The following KATNAL2 variants were observed in gnomAD, a reference collection of about 807,000 sequenced individuals.
The protein encoded by KATNAL2 is katanin p60 ATPase-containing subunit A-like 2.
KATNAL2 carries 52 observed loss-of-function variants against 76.3 expected under a neutral mutation model. The ratio of observed to expected loss-of-function variants is 0.68; its 90% CI spans 0.55 to 0.86. KATNAL2 has a LOEUF of 0.86. KATNAL2 is among the 40% of genes least tolerant of loss of function. The pLI is 0.00. For synonymous variants in KATNAL2, 243 were observed against 244.2 expected (o/e 1.00, Z 0.05); for missense variants, 660 against 668.9 (o/e 0.99, Z 0.15).
intron 3 of KATNAL2, among the ~76,000 whole-genome samples, chr18:47,031,466 C>T (rs372597282): frequency 1.3e-5 from 2 of 151,940 alleles, no homozygotes; most frequent in African/African-American, 2.4e-5. Context: ...GTTTCTTCTG[C>T]AGAAAGAAAA....
At chr18:47,088,337 GTC>G (rs1312567831) in intron 15 of KATNAL2, among the ~76,000 whole-genome samples, 19 of 152,156 alleles carry the variant, frequency 1.2e-4, no homozygotes, top group Admixed American at 1.2e-3. Context: ...ACCATTCAAT[GTC>G]TCTCCATGTT....
chr18:47,044,129 T>C (rs780427478), intron 3 of KATNAL2, among the ~76,000 whole-genome samples: 3 of 152,126 alleles, frequency 2.0e-5, no homozygotes, highest in Non-Finnish European at 4.4e-5. Flanking sequence ...ACTTTTGTGT[T>C]CCCTGGGCCA....
At chr18:46,933,772 T>G (rs2059005117) in intron 1 of KATNAL2, among the ~76,000 whole-genome samples, 1 of 38 alleles carries the variant, frequency 0.026, no homozygotes, top group Non-Finnish European at 0.071. Context: ...GTATATCCCC[T>G]AATGGCTATC....
At chr18:47,058,443 C>A in intron 7 of KATNAL2, 91 bp downstream of exon 7, 1 of 741,950 alleles carries the variant, frequency 1.3e-6, no homozygotes, top group African/African-American at 1.8e-5. Context: ...TTTTTGAGGA[C>A]CTACGCTTTT....
At chr18:47,063,225 G>T in intron 9 of KATNAL2, 59 bp from the exon 10 acceptor site, 4 of 1,564,432 alleles carry the variant, frequency 2.6e-6, no homozygotes, top group Admixed American at 1.7e-5. Flanking sequence ...CATGCCCGGG[G>T]TTTCTTCCTA....
At chr18:47,076,136 A>G (rs551801912) in intron 14 of KATNAL2, 5 of 152,348 alleles carry the variant, frequency 3.3e-5, no homozygotes, top group African/African-American at 9.6e-5. Flanking sequence ...ATGACCTTTA[A>G]TGGACTATCA....
rs542872541 is a variant in KATNAL2 at position 47,047,657 on chromosome 18, G to A, written c.122+1130G>A. Among the ~76,000 whole-genome samples the A allele has an allele frequency of 1.8e-4, 27 of 152,238 alleles. 1 individual carries two copies. In the South Asian group the frequency reaches 3.7e-3, roughly 21 times the overall value. On this transcript the variant is annotated intron_variant, in intron 4 of 17. Transcript: ENST00000683218. ...GAAGGGCACTATCTACTTTATATTC[G>A]CTTTTCTTTTCAAATTTCAGCCAGG...
chr18:46,962,099 C>G (rs938645757), intron 3 of KATNAL2, among the ~76,000 whole-genome samples: 5 of 151,732 alleles, frequency 3.3e-5, no homozygotes, highest in African/African-American at 9.7e-5. Flanking sequence ...GCCACTTGAG[C>G]AAATAGGATT....
intron 3 of KATNAL2, chr18:47,034,692 C>T (rs1397882043): frequency 1.2e-6 from 2 of 1,613,118 alleles, no homozygotes; most frequent in East Asian, 2.2e-5. Flanking sequence ...TTCCGGGTTG[C>T]TTCCCGGGCG....
chr18:46,940,068 T>C (rs2146617616), intron 1 of KATNAL2, among the ~76,000 whole-genome samples: 1 of 152,374 alleles, frequency 6.6e-6, no homozygotes, highest in Non-Finnish European at 1.5e-5. Flanking sequence ...AGATTATTAC[T>C]GTTCCCATTT....
At chr18:47,059,885 C>A (rs975786284) in intron 8 of KATNAL2, among the ~76,000 whole-genome samples, 2 of 152,126 alleles carry the variant, frequency 1.3e-5, no homozygotes, top group Non-Finnish European at 2.9e-5. Flanking sequence ...TCAGTTTCCA[C>A]ATTTGTAAAT....
At position 47,053,052 on chromosome 18, in the gene KATNAL2, T is replaced by A; in HGVS notation, c.289+6T>A. 2 of 1,581,830 alleles carry A rather than the reference T, an allele frequency of 1.3e-6. No individual in the cohort carries two copies. Among genetic ancestry groups the A allele is most frequent in the Non-Finnish European group, 1.7e-6 (2 of 1,166,384 alleles). On this transcript the variant is annotated splice_donor_region_variant and intron_variant, in intron 5 of 17. Coordinates refer to ENST00000683218, the MANE Select transcript of KATNAL2 (RefSeq NM_001387690.1). ...CAAAAAGTCATCAGACACAGGTACA[T>A]GCCTATTTTCTAGAGATAAGGCTTT...
chr18:47,034,716 G>A (rs1195565303), intron 3 of KATNAL2: 2 of 1,612,986 alleles, frequency 1.2e-6, no homozygotes, highest in Non-Finnish European at 1.7e-6. Flanking sequence ...CGGGCTCAGG[G>A]CCCTCGGGCA....
intron 1 of KATNAL2, among the ~76,000 whole-genome samples, chr18:46,928,751 C>A (rs2058812558): frequency 6.6e-6 from 1 of 152,116 alleles, no homozygotes; most frequent in Admixed American, 6.6e-5. Context: ...ATCCCTATTC[C>A]CCCTTCCCAG....
At chr18:47,092,618 C>T (rs1388067341) in intron 15 of KATNAL2, among the ~76,000 whole-genome samples, 1 of 152,178 alleles carries the variant, frequency 6.6e-6, no homozygotes, top group Non-Finnish European at 1.5e-5. Context: ...TACATTGAGA[C>T]ATTCCAGGCA....
chr18:46,935,905 GA>G (rs934744076), intron 1 of KATNAL2, among the ~76,000 whole-genome samples: 2 of 152,034 alleles, frequency 1.3e-5, no homozygotes, highest in African/African-American at 4.8e-5. Flanking sequence ...AACAGAGCAA[GA>G]CTCCATCTCA....
intron 3 of KATNAL2, among the ~76,000 whole-genome samples, chr18:46,960,737 C>T (rs1016631732): frequency 6.6e-5 from 10 of 152,160 alleles, no homozygotes; most frequent in African/African-American, 2.2e-4. Context: ...GTAAGCAAAG[C>T]CAGGCACAGC....
intron 17 of KATNAL2, 93 bp downstream of exon 17, chr18:47,100,449 CT>C: frequency 1.0e-6 from 1 of 998,286 alleles, no homozygotes; most frequent in Non-Finnish European, 1.5e-6. Flanking sequence ...CTTGGTGCCG[CT>C]TTACACTTGG....
At chr18:47,049,281 T>A (rs1036510419) in intron 4 of KATNAL2, among the ~76,000 whole-genome samples, 18 of 152,242 alleles carry the variant, frequency 1.2e-4, no homozygotes, top group African/African-American at 3.4e-4. Flanking sequence ...GGATTAAATA[T>A]GTAACATGCT....
Sources: gnomAD v4.1 joint callset for allele counts (sites outside exome capture counted in the v4.1 genomes callset) on GRCh38, gnomAD v4.1.1 for gene constraint, MANE v1.5 for transcripts, NCBI Gene and HGNC (gene_info 2026-07-23, HGNC 2026-07-21) for gene names.